Variants in NRXN1 observed in about 807,000 individuals in gnomAD.
NRXN1 encodes the protein neurexin 1.
In NRXN1, 39 loss-of-function variants were observed where a neutral mutation model predicts 150.9. The observed-to-expected ratio is 0.26, with a 90% CI of 0.20 to 0.34. The LOEUF (loss-of-function observed/expected upper bound fraction) is 0.34. Ranked by LOEUF, NRXN1 falls within the 10% of genes least tolerant of loss-of-function variation. The pLI, the probability that NRXN1 is intolerant of heterozygous loss-of-function variation, is 1.00. For synonymous variants in NRXN1, 924 were observed against 757.0 expected (o/e 1.22, Z -3.62); for missense variants, 1,815 against 1,949.9 (o/e 0.93, Z 1.30).
chr2:50,789,727 A>T (rs1438702358), intron 5 of NRXN1, among the ~76,000 whole-genome samples: 1 of 152,048 alleles, frequency 6.6e-6, no homozygotes, highest in Non-Finnish European at 1.5e-5. Context: ...ATTTTTTTTT[A>T]AAGGTGGGGG....
chr2:50,303,478 C>T (rs1388861075), intron 17 of NRXN1, among the ~76,000 whole-genome samples: 3 of 152,082 alleles, frequency 2.0e-5, no homozygotes, highest in Admixed American at 1.3e-4. Flanking sequence ...TCTTTACAGC[C>T]AACTTAAGTC....
At chr2:50,726,844 C>G (rs1697421205) in intron 5 of NRXN1, among the ~76,000 whole-genome samples, 1 of 152,116 alleles carries the variant, frequency 6.6e-6, no homozygotes, top group Non-Finnish European at 1.5e-5. Context: ...TACATTCTAT[C>G]TATTCTAAAT....
At chr2:50,971,306 C>T (rs1040830503) in intron 2 of NRXN1, among the ~76,000 whole-genome samples, 12 of 152,148 alleles carry the variant, frequency 7.9e-5, no homozygotes, top group Middle Eastern at 3.4e-3. Flanking sequence ...AATAACAGGC[C>T]GGGCGTGGTG....
At chr2:50,642,733 T>G (rs955884197) in intron 5 of NRXN1, among the ~76,000 whole-genome samples, 1 of 151,996 alleles carries the variant, frequency 6.6e-6, no homozygotes, top group Non-Finnish European at 1.5e-5. Context: ...AGTTTCAATG[T>G]AAAAATATGC....
intron 18 of NRXN1, among the ~76,000 whole-genome samples, chr2:50,182,153 G>A (rs2060769216): frequency 7.4e-6 from 1 of 134,658 alleles, no homozygotes; most frequent in Non-Finnish European, 1.5e-5. Context: ...AAACCATATA[G>A]CTATTTCCTC....
chr2:50,560,313 G>A (rs1306748394), intron 8 of NRXN1, among the ~76,000 whole-genome samples: 1 of 152,178 alleles, frequency 6.6e-6, no homozygotes, highest in African/African-American at 2.4e-5. Context: ...ACAGGAGACA[G>A]GTGGGCATCC....
chr2:50,362,008 A>G, intron 17 of NRXN1, among the ~76,000 whole-genome samples: 1 of 152,220 alleles, frequency 6.6e-6, no homozygotes, highest in East Asian at 1.9e-4. Context: ...ACACATGATT[A>G]TCTCAATAGA....
intron 5 of NRXN1, among the ~76,000 whole-genome samples, chr2:50,759,854 G>GTGTC (rs1040403099): frequency 2.6e-5 from 4 of 151,220 alleles, no homozygotes; most frequent in Non-Finnish European, 5.9e-5. Flanking sequence ...GTGTGTGTGT[G>GTGTC]TGTGTGTGTG....
chr2:50,727,043 C>T (rs1299388163), intron 5 of NRXN1, among the ~76,000 whole-genome samples: 6 of 151,772 alleles, frequency 4.0e-5, no homozygotes, highest in African/African-American at 9.7e-5. Context: ...CCTTTTGGAG[C>T]TCATGGATTT....
At chr2:50,680,741 A>T (rs1216328750) in intron 5 of NRXN1, among the ~76,000 whole-genome samples, 1 of 152,080 alleles carries the variant, frequency 6.6e-6, no homozygotes, top group Non-Finnish European at 1.5e-5. Context: ...GGATAACTTT[A>T]AGTAAAGCTA....
intron 2 of NRXN1, among the ~76,000 whole-genome samples, chr2:50,947,755 T>C (rs377263682): frequency 6.6e-6 from 1 of 152,022 alleles, no homozygotes; most frequent in Non-Finnish European, 1.5e-5. Flanking sequence ...AAACCAATCA[T>C]GTTAAAGCTA....
intron 5 of NRXN1, among the ~76,000 whole-genome samples, chr2:50,802,569 GGAGA>G (rs1230384833): frequency 7.4e-6 from 1 of 135,632 alleles, no homozygotes; most frequent in Non-Finnish European, 1.6e-5. Flanking sequence ...AAGGAAGGAA[GGAGA>G]GAGACAGAGA....
chr2:50,306,742 T>A (rs2074646659), intron 17 of NRXN1, among the ~76,000 whole-genome samples: 1 of 152,256 alleles, frequency 6.6e-6, no homozygotes, highest in Non-Finnish European at 1.5e-5. Context: ...TGTTTCTAAC[T>A]TTTAATACTG....
intron 17 of NRXN1, among the ~76,000 whole-genome samples, chr2:50,255,030 A>T (rs2067558971): frequency 6.6e-6 from 1 of 152,006 alleles, no homozygotes; most frequent in African/African-American, 2.4e-5. Flanking sequence ...CTAGTCTTGA[A>T]TTCCTGGGCT....
chr2:50,788,509 C>T (rs1231932144), intron 5 of NRXN1, among the ~76,000 whole-genome samples: 1 of 151,966 alleles, frequency 6.6e-6, no homozygotes, highest in East Asian at 1.9e-4. Flanking sequence ...ACAAGGTCAT[C>T]AGTTTTGGGT....
intron 5 of NRXN1, among the ~76,000 whole-genome samples, chr2:50,645,203 G>A (rs1173785973): frequency 2.0e-5 from 3 of 151,878 alleles, no homozygotes; most frequent in Non-Finnish European, 4.4e-5. Context: ...TTGCTTGATT[G>A]ACTGATTTTG....
intron 13 of NRXN1, among the ~76,000 whole-genome samples, chr2:50,504,390 G>A (rs137878581): frequency 4.9e-4 from 74 of 152,198 alleles, no homozygotes; most frequent in African/African-American, 1.7e-3. Context: ...CACTGTGTAT[G>A]TAACTTACCC....
chr2:50,576,370 T>C (rs2105492215), intron 8 of NRXN1, among the ~76,000 whole-genome samples: 1 of 152,300 alleles, frequency 6.6e-6, no homozygotes, highest in East Asian at 1.9e-4. Flanking sequence ...CAGTGTCATA[T>C]ATTCTAGTGT....
chr2:50,820,952 T>C (rs1468236993), intron 5 of NRXN1, among the ~76,000 whole-genome samples: 1 of 152,146 alleles, frequency 6.6e-6, no homozygotes, highest in Non-Finnish European at 1.5e-5. Flanking sequence ...TGGAAAACCA[T>C]ATCTACATTA....
Sources: allele counts gnomAD v4.1 joint callset (sites outside exome capture counted in the v4.1 genomes callset), GRCh38; gene constraint gnomAD v4.1.1; transcripts MANE v1.5; gene names NCBI Gene and HGNC (gene_info 2026-07-23, HGNC 2026-07-21).